Variants in SLC17A5 observed in about 807,000 individuals in gnomAD.
SLC17A5 encodes the protein solute carrier family 17 member 5, also known as sialin.
In SLC17A5, 47 loss-of-function variants were observed where a neutral mutation model predicts 59.4. That is an observed-to-expected ratio of 0.79 (90% CI 0.63 to 1.01). The LOEUF is 1.01. Ranked by LOEUF, SLC17A5 falls within the 50% of genes least tolerant of loss-of-function variation. SLC17A5 has a pLI of 0.00. For missense variants in SLC17A5, 522 were observed against 595.5 expected, an observed-to-expected ratio of 0.88 and a Z score of 1.28; for synonymous variants, 202 against 210.7, an observed-to-expected ratio of 0.96 and a Z score of 0.36.
At chr6:73,637,002 C>T (rs191928258) in intron 4 of SLC17A5, among the ~76,000 whole-genome samples, 2 of 151,404 alleles carry the variant, frequency 1.3e-5, no homozygotes, top group East Asian at 1.9e-4. Flanking sequence ...TGAGGTGGGA[C>T]GATCGCTTCA....
chr6:73,606,204 G>C (rs1767384902), intron 9 of SLC17A5, among the ~76,000 whole-genome samples: 1 of 151,754 alleles, frequency 6.6e-6, no homozygotes, highest in Non-Finnish European at 1.5e-5. Context: ...CACCACACCT[G>C]GTTAATTTTT....
At chr6:73,636,957 G>C (rs965799067) in intron 4 of SLC17A5, among the ~76,000 whole-genome samples, 8 of 151,914 alleles carry the variant, frequency 5.3e-5, no homozygotes, top group African/African-American at 1.9e-4. Context: ...GGTGATGCAC[G>C]CCTGTAGTAC....
chr6:73,635,067 C>T (rs556129193), intron 6 of SLC17A5, among the ~76,000 whole-genome samples: 241 of 151,872 alleles, frequency 1.6e-3, no homozygotes, highest in Admixed American at 2.8e-3. Flanking sequence ...TCAGACAATA[C>T]TTTGTTCATA....
intron 8 of SLC17A5, among the ~76,000 whole-genome samples, chr6:73,610,845 A>G (rs1008530725): frequency 6.6e-6 from 1 of 152,236 alleles, no homozygotes; most frequent in African/African-American, 2.4e-5. Context: ...ACTTAAAAAT[A>G]TGTTTCTAGA....
intron 6 of SLC17A5, among the ~76,000 whole-genome samples, chr6:73,630,185 GC>G (rs201568829): frequency 0.015 from 2,240 of 152,154 alleles, 73 homozygotes; most frequent in African/African-American, 0.051. Context: ...TAGAGATGGA[GC>G]TTTGCCATAT....
intron 7 of SLC17A5, 97 bp downstream of exon 7, chr6:73,621,707 G>T: frequency 3.1e-6 from 3 of 980,796 alleles, no homozygotes; most frequent in South Asian, 1.5e-5. Context: ...GAGTAAAATG[G>T]AAGATACAGA....
At position 73,613,916 on chromosome 6, in the gene SLC17A5, C is replaced by T. The variant is rs117576750; in HGVS notation, c.1111+1399G>A. ...GCAGGATTGCTGAAGGCCAGGAGTT[C>T]AAGGCCAATGTGGGCAATAAAGCGA... On this transcript the variant is annotated intron_variant, in intron 8 of 10. Coordinates refer to ENST00000355773, the MANE Select transcript of SLC17A5 (RefSeq NM_012434.5). Among the ~76,000 whole-genome samples, 890 of 151,544 alleles carry T rather than the reference C, an allele frequency of 5.9e-3. 10 individuals are homozygous for T. Among genetic ancestry groups the T allele is most frequent in the East Asian group, 0.048 (245 of 5,156 alleles).
intron 3 of SLC17A5, among the ~76,000 whole-genome samples, chr6:73,640,897 T>C (rs1375700519): frequency 1.3e-5 from 2 of 152,160 alleles, no homozygotes; most frequent in South Asian, 2.1e-4. Flanking sequence ...GAGATAGTTA[T>C]ATAAAATCAT....
At chr6:73,615,884 T>TTTG (rs1265091525) in intron 7 of SLC17A5, among the ~76,000 whole-genome samples, 8 of 141,442 alleles carry the variant, frequency 5.7e-5, no homozygotes, top group East Asian at 4.1e-4. Context: ...ATCATTCTTT[T>TTTG]TTTTTTTTTT....
At chr6:73,637,875 A>G (rs1328657654) in intron 4 of SLC17A5, among the ~76,000 whole-genome samples, 1 of 152,198 alleles carries the variant, frequency 6.6e-6, no homozygotes, top group Admixed American at 6.6e-5. Context: ...TAAAATTATA[A>G]TTCACATATA....
At chr6:73,621,702 A>C (rs1211087087) in intron 7 of SLC17A5, 102 bp downstream of exon 7, 2 of 964,494 alleles carry the variant, frequency 2.1e-6, no homozygotes, top group Non-Finnish European at 3.2e-6. Context: ...CAGCAGAGTA[A>C]AATGGAAGAT....
intron 6 of SLC17A5, 29 bp from the exon 7 acceptor site, chr6:73,621,991 A>T (rs1273051692): frequency 6.2e-7 from 1 of 1,609,346 alleles, no homozygotes; most frequent in Non-Finnish European, 8.5e-7. Flanking sequence ...ATTAGGATAA[A>T]CTACGGCTAT....
At position 73,621,776 on chromosome 6, in the gene SLC17A5, TAAG is replaced by T. The variant is rs773606305; in HGVS notation, c.978+25_978+27del. The T allele has an allele frequency of 4.5e-6, 7 of 1,539,282 alleles. No homozygotes were observed. The East Asian group carries it at 1.6e-4, about 35-fold the overall frequency. Reference sequence around the variant, plus strand: ...TGTGTATGGTCTTATACTATATATATAAGAAGCAGATGATTATTTTTTCTTACC... The same window carrying T: ...TGTGTATGGTCTTATACTATATATATAAGCAGATGATTATTTTTTCTTACC... On this transcript the variant is annotated intron_variant, in intron 7 of 10. Transcript: ENST00000355773.
intron 4 of SLC17A5, 103 bp from the exon 5 acceptor site, chr6:73,636,810 G>T: frequency 1.2e-6 from 1 of 859,416 alleles, no homozygotes; most frequent in Non-Finnish European, 2.0e-6. Context: ...GCTGGGCACA[G>T]TGGCTCATTC....
chr6:73,649,864 G>C (rs1174618871), intron 1 of SLC17A5, among the ~76,000 whole-genome samples: 1 of 152,096 alleles, frequency 6.6e-6, no homozygotes, highest in Non-Finnish European at 1.5e-5. Context: ...TGAAGAGAGT[G>C]GGGGCATGAG....
intron 6 of SLC17A5, among the ~76,000 whole-genome samples, chr6:73,632,687 C>T (rs1340045507): frequency 1.3e-5 from 2 of 151,492 alleles, no homozygotes; most frequent in East Asian, 1.9e-4. Context: ...AGCAATCCTT[C>T]CATCTTGGCC....
intron 9 of SLC17A5, among the ~76,000 whole-genome samples, chr6:73,605,726 C>T (rs1303639761): frequency 6.6e-6 from 1 of 151,832 alleles, no homozygotes; most frequent in Non-Finnish European, 1.5e-5. Context: ...GCCTGTAATC[C>T]TAGCACTTTG....
chr6:73,651,458 CT>C (rs1371989969), intron 1 of SLC17A5, among the ~76,000 whole-genome samples: 2 of 38,370 alleles, frequency 5.2e-5, no homozygotes, highest in Admixed American at 3.4e-4. Flanking sequence ...AAAACTCCGT[CT>C]CAAAAAAAAA....
At chr6:73,631,329 G>T (rs924411461) in intron 6 of SLC17A5, among the ~76,000 whole-genome samples, 2 of 151,658 alleles carry the variant, frequency 1.3e-5, no homozygotes, top group African/African-American at 4.9e-5. Context: ...AAACACAAAT[G>T]CCATAAACTA....
Sources: gnomAD v4.1 joint callset for allele counts (sites outside exome capture counted in the v4.1 genomes callset) on GRCh38, gnomAD v4.1.1 for gene constraint, MANE v1.5 for transcripts, NCBI Gene and HGNC (gene_info 2026-07-23, HGNC 2026-07-21) for gene names.